The following MEI1 variants were observed in gnomAD, a reference collection of about 807,000 sequenced individuals.
MEI1 encodes the protein meiosis inhibitor protein 1.
A neutral mutation model predicts 146.2 loss-of-function variants in MEI1; 103 were observed. The observed-to-expected ratio is 0.70, with a 90% CI of 0.60 to 0.83. MEI1 has a LOEUF of 0.83. Ranked by LOEUF, MEI1 falls within the 40% of genes least tolerant of loss-of-function variation. The pLI, the probability that MEI1 is intolerant of heterozygous loss-of-function variation, is 0.00. For synonymous variants in MEI1, 652 were observed against 628.2 expected (o/e 1.04, Z -0.57); for missense variants, 1,529 against 1,533.0 (o/e 1.00, Z 0.04).
At chr22:41,797,126 T>C (rs1405861535) in intron 30 of MEI1, among the ~76,000 whole-genome samples, 1 of 151,922 alleles carries the variant, frequency 6.6e-6, no homozygotes, top group East Asian at 2.0e-4. Context: ...GCCCTCCGAG[T>C]AGCTGAGACT....
intron 5 of MEI1, among the ~76,000 whole-genome samples, chr22:41,716,618 C>T (rs1324960539): frequency 6.6e-5 from 10 of 151,630 alleles, no homozygotes; most frequent in East Asian, 3.9e-4. Context: ...TCAGGTGATC[C>T]GCCTGCCTCA....
chr22:41,714,273 C>A (rs962353643), intron 4 of MEI1, among the ~76,000 whole-genome samples, 198 bp downstream of exon 4: 2 of 152,150 alleles, frequency 1.3e-5, no homozygotes, highest in African/African-American at 4.8e-5. Context: ...TTTCTTCTTT[C>A]CCCTTTCAAT....
chr22:41,699,919 C>T (rs1473724341), intron 1 of MEI1, among the ~76,000 whole-genome samples: 1 of 152,220 alleles, frequency 6.6e-6, no homozygotes, highest in Non-Finnish European at 1.5e-5. Context: ...TGCGGGCCTC[C>T]GTGGAGCCCG....
intron 7 of MEI1, among the ~76,000 whole-genome samples, chr22:41,725,236 T>C (rs1336087726): frequency 6.6e-6 from 1 of 152,048 alleles, no homozygotes; most frequent in Non-Finnish European, 1.5e-5. Flanking sequence ...CTCAGCCTCC[T>C]GAGTAGTTGG....
chr22:41,709,295 C>T, intron 3 of MEI1: 1 of 813,996 alleles, frequency 1.2e-6, no homozygotes. Context: ...AGGGTTATTC[C>T]CTTCCTTGCC....
In MEI1 at chr22:41,725,074, T is replaced by A. The variant is rs150839493; in HGVS notation, c.864+1001T>A. Among the ~76,000 whole-genome samples the A allele has an allele frequency of 3.3e-3, 495 of 152,090 alleles. 2 individuals are homozygous for A. Among genetic ancestry groups the A allele is most frequent in the African/African-American group, 0.011 (446 of 41,524 alleles). On this transcript the variant is annotated intron_variant, in intron 7 of 30. Transcript: ENST00000401548. ...CACCTTGGCCTCCAAAGTGCTGGGA[T>A]TACAGGTGTGAGCCACTGCACCTAG... is the stretch of plus-strand genomic sequence containing the variant.
At chr22:41,752,200 T>C (rs756257779) in intron 15 of MEI1, among the ~76,000 whole-genome samples, 1 of 152,220 alleles carries the variant, frequency 6.6e-6, no homozygotes, top group Non-Finnish European at 1.5e-5. Context: ...CTGGATTGTT[T>C]TCTATAAAAC....
chr22:41,786,781 C>G (rs1602160243), intron 26 of MEI1, among the ~76,000 whole-genome samples: 1 of 152,196 alleles, frequency 6.6e-6, no homozygotes, highest in Admixed American at 6.5e-5. Context: ...GGGAAAACTG[C>G]TACCAGAAGA....
At chr22:41,712,204 CA>C (rs561773303) in intron 3 of MEI1, among the ~76,000 whole-genome samples, 2 of 53,658 alleles carry the variant, frequency 3.7e-5, no homozygotes, top group East Asian at 9.6e-4. Context: ...AACTCCGGCT[CA>C]AAAAAAAAAA....
At chr22:41,760,996 A>G (rs1392096781) in intron 18 of MEI1, among the ~76,000 whole-genome samples, 1 of 152,086 alleles carries the variant, frequency 6.6e-6, no homozygotes, top group Admixed American at 6.5e-5. Flanking sequence ...GTAGAAAACA[A>G]TATAAAACAA....
Position 41,795,846 on chromosome 22 carries a change from C to T in MEI1, c.3778C>T (p.Leu1260Phe). 1.2e-6 allele frequency: 2 copies of T among 1,613,392 alleles called. No individual in the cohort carries two copies. Among genetic ancestry groups the T allele is most frequent in the Non-Finnish European group, 1.7e-6 (2 of 1,179,626 alleles). ...SSGQPPLQDM[L>F]CLGGVAVSLS... Reference sequence around the variant, plus strand: ...AGGCCAGCCACCCCTGCAGGACATGCTGTATCCTTTCTTGCATCTATGATG... The same window carrying T: ...AGGCCAGCCACCCCTGCAGGACATGTTGTATCCTTTCTTGCATCTATGATG... Residue 1260 changes from leucine to phenylalanine, a missense_variant and splice_region_variant, in exon 30 of 31, where the codon CTC (leucine) becomes TTC (phenylalanine). Around this residue, in one of 3 missense-constraint regions of MEI1, gnomAD observed 313 missense variants for 337.3 expected, o/e 0.93. Coordinates refer to ENST00000401548, the MANE Select transcript of MEI1 (RefSeq NM_152513.4). This position sits in a 1 kb window ranked among gnomAD's most constrained non-coding sequence, Gnocchi z 4.2.
intron 1 of MEI1, 60 bp downstream of exon 1, chr22:41,699,772 G>A: frequency 6.7e-7 from 1 of 1,497,952 alleles, no homozygotes; most frequent in South Asian, 1.3e-5. Flanking sequence ...CAGCAAACGC[G>A]GCCAGGCCCT....
At chr22:41,751,721 A>C (rs1807725) in intron 15 of MEI1, among the ~76,000 whole-genome samples, 2 of 149,464 alleles carry the variant, frequency 1.3e-5, no homozygotes, top group Non-Finnish European at 3.0e-5. Flanking sequence ...ACAGTGAGCC[A>C]AGATCGTGCC....
At chr22:41,754,191 A>G (rs1165484044) in intron 17 of MEI1, 145 bp downstream of exon 17, 8 of 628,712 alleles carry the variant, frequency 1.3e-5, no homozygotes. Flanking sequence ...TGATGCAATT[A>G]TAGGTTGATT....
At chr22:41,780,875 G>T (rs1405103046) in intron 22 of MEI1, among the ~76,000 whole-genome samples, 1 of 152,190 alleles carries the variant, frequency 6.6e-6, no homozygotes, top group African/African-American at 2.4e-5. Context: ...GTAAGCCACT[G>T]CGGAGGCCTG....
At chr22:41,720,059 A>G (rs2070620644) in intron 6 of MEI1, among the ~76,000 whole-genome samples, 1 of 152,192 alleles carries the variant, frequency 6.6e-6, no homozygotes, top group African/African-American at 2.4e-5. Flanking sequence ...AGGGGAGCTC[A>G]CAGGCCAGTG....
intron 22 of MEI1, among the ~76,000 whole-genome samples, chr22:41,780,990 A>C (rs1331677592): frequency 6.6e-6 from 1 of 152,194 alleles, no homozygotes; most frequent in African/African-American, 2.4e-5. Flanking sequence ...TTCGACTGTT[A>C]AAGTTCCCTT....
rs1171550402 is a variant in MEI1 at position 41,713,910 on chromosome 22, AC to A, written c.350-91del. ...TAATACCAATTAGCCCAGGCAAATC[AC>A]TATCCTGCACTGATTGAGTAGAAGG... On this transcript the variant is annotated intron_variant, in intron 3 of 30. Coordinates refer to ENST00000401548, the MANE Select transcript of MEI1 (RefSeq NM_152513.4). 6 of 1,011,362 alleles carry A rather than the reference AC, an allele frequency of 5.9e-6. No homozygotes were observed. In the African/African-American group the frequency reaches 9.8e-5, roughly 16 times the overall value. 62.6% of individuals were successfully genotyped at this position (1,011,362 alleles called of 1,614,324 possible). A position where few individuals can be genotyped will look rare whatever the true frequency, so the allele number is the denominator to read the frequency against.
intron 1 of MEI1, among the ~76,000 whole-genome samples, chr22:41,701,674 G>A (rs2068732647): frequency 6.6e-6 from 1 of 152,150 alleles, no homozygotes; most frequent in African/African-American, 2.4e-5. Flanking sequence ...AGACAGTGCA[G>A]CGGGGAGAAA....
Sources: allele counts gnomAD v4.1 joint callset (sites outside exome capture counted in the v4.1 genomes callset), GRCh38; gene constraint gnomAD v4.1.1; regional missense constraint gnomAD v4.1.1; non-coding constraint Gnocchi (gnomAD v3.1); transcripts MANE v1.5; gene names NCBI Gene and HGNC (gene_info 2026-07-23, HGNC 2026-07-21).